ADCY2: variants seen among roughly 807,000 people sequenced by gnomAD.
ADCY2 encodes the protein adenylate cyclase type 2.
A neutral mutation model predicts 125.2 loss-of-function variants in ADCY2; 31 were observed. The observed-to-expected ratio is 0.25, with a 90% CI of 0.19 to 0.33. The LOEUF is 0.33. ADCY2 is among the 10% of genes least tolerant of loss of function. ADCY2 has a pLI of 1.00. For synonymous variants in ADCY2, 512 were observed against 548.4 expected, an observed-to-expected ratio of 0.93 and a Z score of 0.93; for missense variants, 904 against 1,418.2, an observed-to-expected ratio of 0.64 and a Z score of 5.82.
intron 2 of ADCY2, among the ~76,000 whole-genome samples, chr5:7,496,230 C>A (rs550025888): frequency 2.0e-5 from 3 of 152,204 alleles, no homozygotes; most frequent in African/African-American, 7.2e-5. Flanking sequence ...GATAAAAAAT[C>A]AAAAGGAAAT....
intron 2 of ADCY2, among the ~76,000 whole-genome samples, chr5:7,491,035 C>T (rs536681003): frequency 7.4e-4 from 113 of 152,152 alleles, no homozygotes; most frequent in African/African-American, 2.5e-3. Flanking sequence ...AAGAAAATCA[C>T]AAAATGCACA....
chr5:7,500,339 G>A (rs568070024), intron 2 of ADCY2, among the ~76,000 whole-genome samples: 2 of 152,166 alleles, frequency 1.3e-5, no homozygotes, highest in Non-Finnish European at 2.9e-5. Flanking sequence ...GAGCAGAACC[G>A]CTCACTCCTT....
intron 3 of ADCY2, among the ~76,000 whole-genome samples, chr5:7,535,123 C>A (rs1005671127): frequency 1.3e-5 from 2 of 152,174 alleles, no homozygotes; most frequent in Non-Finnish European, 2.9e-5. Flanking sequence ...TCACCGCAAC[C>A]TCCGCCTCTC....
chr5:7,446,537 A>AATACATACATAC (rs59436276), intron 2 of ADCY2, among the ~76,000 whole-genome samples: 3 of 150,838 alleles, frequency 2.0e-5, no homozygotes, highest in East Asian at 2.0e-4. Flanking sequence ...CTCTGAAATA[A>AATACATACATAC]ATACATACAT....
chr5:7,678,981 C>T (rs935081079), intron 4 of ADCY2, among the ~76,000 whole-genome samples: 1 of 152,202 alleles, frequency 6.6e-6, no homozygotes, highest in Non-Finnish European at 1.5e-5. Context: ...TCTTCCTATG[C>T]CAGGCAATGG....
At chr5:7,566,365 G>A (rs1438885491) in intron 3 of ADCY2, among the ~76,000 whole-genome samples, 6 of 152,076 alleles carry the variant, frequency 3.9e-5, no homozygotes, top group African/African-American at 1.4e-4. Context: ...GCATGGTGAT[G>A]CACATCTGCA....
intron 2 of ADCY2, among the ~76,000 whole-genome samples, chr5:7,497,281 A>C (rs1243908382): frequency 1.3e-5 from 2 of 152,226 alleles, no homozygotes; most frequent in African/African-American, 4.8e-5. Context: ...AGATCTGTAG[A>C]GAATTACTTG....
chr5:7,614,536 T>A (rs1348647622), intron 3 of ADCY2, among the ~76,000 whole-genome samples: 14 of 152,218 alleles, frequency 9.2e-5, no homozygotes. Flanking sequence ...TTGGTTTTGT[T>A]AGCTGTGATT....
At chr5:7,519,942 T>G (rs1744382974) in intron 2 of ADCY2, among the ~76,000 whole-genome samples, 1 of 152,210 alleles carries the variant, frequency 6.6e-6, no homozygotes, top group Non-Finnish European at 1.5e-5. Flanking sequence ...TTTATTCACT[T>G]AGCATGTTTT....
At chr5:7,629,196 G>C (rs193102455) in intron 4 of ADCY2, among the ~76,000 whole-genome samples, 1 of 152,210 alleles carries the variant, frequency 6.6e-6, no homozygotes, top group Admixed American at 6.5e-5. Context: ...GCTCCCAGAG[G>C]TTGAGAGGCG....
At chr5:7,638,837 A>G (rs775317946) in intron 4 of ADCY2, among the ~76,000 whole-genome samples, 14 of 152,058 alleles carry the variant, frequency 9.2e-5, no homozygotes, top group Non-Finnish European at 1.8e-4. Flanking sequence ...CCCAAATCTC[A>G]TCTTGTAGCT....
chr5:7,589,466 G>GA (rs1319934237), intron 3 of ADCY2, among the ~76,000 whole-genome samples: 2 of 39,854 alleles, frequency 5.0e-5, no homozygotes, highest in African/African-American at 7.2e-5. Flanking sequence ...GAAAAAGAAA[G>GA]AAAGAAAGAA....
chr5:7,407,703 G>A (rs1180436863), intron 1 of ADCY2, among the ~76,000 whole-genome samples: 1 of 152,088 alleles, frequency 6.6e-6, no homozygotes, highest in African/African-American at 2.4e-5. Context: ...ATGGCCACAA[G>A]TTGGGAAGAA....
chr5:7,547,951 T>C (rs1735202361), intron 3 of ADCY2, among the ~76,000 whole-genome samples: 3 of 152,228 alleles, frequency 2.0e-5, no homozygotes, highest in Admixed American at 1.3e-4. Context: ...GTCTTAGTTA[T>C]GGTAGTGGCC....
At chr5:7,523,579 C>T (rs1211137828) in intron 3 of ADCY2, among the ~76,000 whole-genome samples, 3 of 152,186 alleles carry the variant, frequency 2.0e-5, no homozygotes, top group East Asian at 1.9e-4. Flanking sequence ...GTGGAACATG[C>T]GAACAGATTT....
At chr5:7,529,365 G>C (rs957014695) in intron 3 of ADCY2, among the ~76,000 whole-genome samples, 1 of 152,182 alleles carries the variant, frequency 6.6e-6, no homozygotes, top group Non-Finnish European at 1.5e-5. Context: ...GGTGCAACAA[G>C]CTGGGCAGGC....
At chr5:7,441,611 C>T (rs141163810) in intron 2 of ADCY2, among the ~76,000 whole-genome samples, 133 of 152,242 alleles carry the variant, frequency 8.7e-4, no homozygotes, top group African/African-American at 3.2e-3. Flanking sequence ...TTTCAAGCTG[C>T]CACTGGCTCC....
chr5:7,515,880 C>T (rs1429459577), intron 2 of ADCY2, among the ~76,000 whole-genome samples: 23 of 152,096 alleles, frequency 1.5e-4, no homozygotes, highest in Admixed American at 1.5e-3. Flanking sequence ...ACTTTAAATG[C>T]TGTGAATAAG....
At chr5:7,826,593 A>T in intron 24 of ADCY2, 126 bp from the exon 25 acceptor site, 1 of 1,242,986 alleles carries the variant, frequency 8.0e-7, no homozygotes, top group East Asian at 2.3e-5. Context: ...TTTTCTACTA[A>T]CTTCTCAGGA....
Sources: gnomAD v4.1 joint callset for allele counts (sites outside exome capture counted in the v4.1 genomes callset) on GRCh38, gnomAD v4.1.1 for gene constraint, MANE v1.5 for transcripts, NCBI Gene and HGNC (gene_info 2026-07-23, HGNC 2026-07-21) for gene names.